DCLK1: variants seen among roughly 807,000 people sequenced by gnomAD.
The protein encoded by DCLK1 is doublecortin like kinase 1, also known as serine/threonine-protein kinase DCLK1.
In DCLK1, 16 loss-of-function variants were observed where a neutral mutation model predicts 86.2. The ratio of observed to expected loss-of-function variants is 0.19; its 90% CI spans 0.13 to 0.28. DCLK1 has a LOEUF of 0.28. Among genes scored for constraint, DCLK1 ranks in the 10% least tolerant of loss-of-function variants. DCLK1 has a pLI of 1.00. For synonymous variants in DCLK1, 369 were observed against 370.5 expected (o/e 1.00, Z 0.05); for missense variants, 590 against 940.2 (o/e 0.63, Z 4.87).
chr13:35,846,154 A>G (rs1295968893), intron 6 of DCLK1: 3 of 985,290 alleles, frequency 3.0e-6, no homozygotes, highest in East Asian at 2.3e-4. Flanking sequence ...ATGTTTTAAC[A>G]CAAAATGTTT....
chr13:35,902,650 C>G (rs1874440135), intron 4 of DCLK1, among the ~76,000 whole-genome samples: 1 of 152,112 alleles, frequency 6.6e-6, no homozygotes, highest in Admixed American at 6.6e-5. Flanking sequence ...AGAAGCAGAG[C>G]TGTAACATGG....
At chr13:36,124,475 G>A (rs1391694388) in intron 2 of DCLK1, among the ~76,000 whole-genome samples, 2 of 152,198 alleles carry the variant, frequency 1.3e-5, no homozygotes, top group African/African-American at 4.8e-5. Flanking sequence ...CTGTGATCAG[G>A]CTGGCATTTC....
intron 2 of DCLK1, among the ~76,000 whole-genome samples, chr13:36,114,912 G>C (rs1480123194): frequency 6.6e-6 from 1 of 152,194 alleles, no homozygotes; most frequent in Non-Finnish European, 1.5e-5. Flanking sequence ...GTGTGACTGA[G>C]AGTTAAGAGA....
intron 4 of DCLK1, among the ~76,000 whole-genome samples, chr13:35,919,351 G>A (rs1251770979): frequency 6.6e-6 from 1 of 152,118 alleles, no homozygotes; most frequent in Non-Finnish European, 1.5e-5. Context: ...AAGGCAGTGT[G>A]TGGTGTGAAT....
chr13:35,817,088 C>T lies in DCLK1; in HGVS notation c.1554+5641G>A, dbSNP rs541701176. Among the ~76,000 whole-genome samples, 6 of 152,248 alleles carry T rather than the reference C, an allele frequency of 3.9e-5. No homozygotes were observed. In the South Asian group the frequency reaches 1.2e-3, roughly 32 times the overall value. On this transcript the variant is annotated intron_variant, in intron 11 of 16. Transcript: ENST00000360631. ...TTTTTGCTAGTCTGATAAGGCTGTG[C>T]CATTTTAGAAAGAAATGAGTGTCAT...
At chr13:35,985,391 C>CAAAA (rs139242465) in intron 3 of DCLK1, among the ~76,000 whole-genome samples, 3 of 139,586 alleles carry the variant, frequency 2.1e-5, no homozygotes, top group East Asian at 2.1e-4. Context: ...AACAAACAAA[C>CAAAA]AAAAAAAAAA....
chr13:35,967,520 C>T (rs537607847), intron 3 of DCLK1, among the ~76,000 whole-genome samples: 11 of 152,288 alleles, frequency 7.2e-5, no homozygotes, highest in African/African-American at 1.7e-4. Context: ...TAATCTATAA[C>T]CTTACCCTCA....
At chr13:35,853,479 G>GA (rs1455267532) in intron 6 of DCLK1, among the ~76,000 whole-genome samples, 2 of 152,182 alleles carry the variant, frequency 1.3e-5, no homozygotes, top group Non-Finnish European at 2.9e-5. Flanking sequence ...GGAACCAACT[G>GA]AATCTCCCCG....
intron 3 of DCLK1, among the ~76,000 whole-genome samples, chr13:36,051,562 G>C (rs1883124429): frequency 6.6e-6 from 1 of 151,642 alleles, no homozygotes; most frequent in Non-Finnish European, 1.5e-5. Flanking sequence ...ATGTTCATGG[G>C]CACTCTCTTT....
chr13:36,038,609 A>G (rs1882592438), intron 3 of DCLK1, among the ~76,000 whole-genome samples: 1 of 152,182 alleles, frequency 6.6e-6, no homozygotes. Context: ...GATCTTTTAG[A>G]AGCAACATAT....
chr13:35,908,281 T>C (rs1048826271), intron 4 of DCLK1, among the ~76,000 whole-genome samples: 6 of 152,260 alleles, frequency 3.9e-5, no homozygotes, highest in Non-Finnish European at 8.8e-5. Context: ...AGGAAACAAG[T>C]CTCAGCCAAT....
rs548222242 is a variant in DCLK1, at chr13:35,855,880, T to G, written c.941-1287A>C. On this transcript the variant is annotated intron_variant, in intron 5 of 16. Coordinates refer to ENST00000360631, the MANE Select transcript of DCLK1 (RefSeq NM_001330071.2). ...ATGAAGTGGCCCTGGGGGCAAGAGATCCAGTGACTCATCTGAAAATCGAAA... is the reference window on the plus strand; with the variant it reads ...ATGAAGTGGCCCTGGGGGCAAGAGAGCCAGTGACTCATCTGAAAATCGAAA... 8.3e-5 allele frequency: 92 copies of G among 1,104,996 alleles called. No homozygotes were observed. The African/African-American group carries it at 1.1e-3, about 14-fold the overall frequency. The allele number at this position is 1,104,996 out of a possible 1,614,324, so 68.4% of individuals were successfully genotyped here.
intron 16 of DCLK1, among the ~76,000 whole-genome samples, chr13:35,778,327 A>T (rs992522042): frequency 1.3e-5 from 2 of 152,282 alleles, no homozygotes; most frequent in Non-Finnish European, 2.9e-5. Flanking sequence ...TATTACTCAA[A>T]ATGATCCTAT....
At chr13:36,012,368 G>A (rs1303359750) in intron 3 of DCLK1, among the ~76,000 whole-genome samples, 1 of 151,994 alleles carries the variant, frequency 6.6e-6, no homozygotes, top group East Asian at 1.9e-4. Flanking sequence ...GCTGTTACCG[G>A]TTGTTCCTTT....
At chr13:36,131,422 C>A (rs1048101051), upstream of DCLK1, 5 of 190,744 alleles carry the variant, frequency 2.6e-5, no homozygotes, top group Admixed American at 1.3e-4. Context: ...TTGTCTCACT[C>A]GCTCACACGC....
At chr13:36,036,542 C>T (rs1882506562) in intron 3 of DCLK1, among the ~76,000 whole-genome samples, 1 of 152,120 alleles carries the variant, frequency 6.6e-6, no homozygotes, top group Non-Finnish European at 1.5e-5. Flanking sequence ...CCATTTACTA[C>T]GGATTGTAAT....
chr13:35,787,902 G>C, intron 16 of DCLK1: 1 of 365,932 alleles, frequency 2.7e-6, no homozygotes, highest in Non-Finnish European at 5.2e-6. Context: ...GGAAATCATT[G>C]TTTTAATTAG....
intron 5 of DCLK1, chr13:35,855,462 CA>C: frequency 6.4e-7 from 1 of 1,554,540 alleles, no homozygotes; most frequent in East Asian, 2.3e-5. Flanking sequence ...CTTGAGGGTG[CA>C]AAATAAATGC....
chr13:36,127,495 C>T (rs1886228113), intron 1 of DCLK1, among the ~76,000 whole-genome samples: 1 of 152,132 alleles, frequency 6.6e-6, no homozygotes, highest in Non-Finnish European at 1.5e-5. Context: ...CATCTTTAAG[C>T]CTTGATTTCC....
Sources: allele counts gnomAD v4.1 joint callset (sites outside exome capture counted in the v4.1 genomes callset), GRCh38; gene constraint gnomAD v4.1.1; transcripts MANE v1.5; gene names NCBI Gene and HGNC (gene_info 2026-07-23, HGNC 2026-07-21).